The following USO1 variants were observed in gnomAD, a reference collection of about 807,000 sequenced individuals.
The protein encoded by USO1 is USO1 vesicle transport factor, also known as general vesicular transport factor p115.
In USO1, 57 loss-of-function variants were observed where a neutral mutation model predicts 124.5. That is an observed-to-expected ratio of 0.46 (90% CI 0.37 to 0.57). The LOEUF is 0.57. USO1 is among the 20% of genes least tolerant of loss of function. The probability of loss-of-function intolerance (pLI) is 0.00; values close to 1 mark genes in which losing one functional copy is unlikely to be tolerated. For missense variants in USO1, 900 were observed against 1,040.6 expected, an observed-to-expected ratio of 0.86 and a Z score of 1.86; for synonymous variants, 369 against 362.8, an observed-to-expected ratio of 1.02 and a Z score of -0.19.
chr4:75,727,035 A>C (rs1398352919), intron 1 of USO1, among the ~76,000 whole-genome samples: 1 of 152,248 alleles, frequency 6.6e-6, no homozygotes, highest in Non-Finnish European at 1.5e-5. Context: ...TAGTAGATGT[A>C]TAATGAGAGG....
At chr4:75,775,225 A>G (rs941842955) in intron 8 of USO1, among the ~76,000 whole-genome samples, 2 of 152,094 alleles carry the variant, frequency 1.3e-5, no homozygotes, top group Non-Finnish European at 2.9e-5. Context: ...AATTATTGTA[A>G]TTAGGAAGAT....
intron 13 of USO1, among the ~76,000 whole-genome samples, chr4:75,799,038 T>C (rs1322635485): frequency 2.6e-5 from 4 of 152,202 alleles, no homozygotes; most frequent in African/African-American, 4.8e-5. Context: ...TAAATCTTCC[T>C]CTTGATTATG....
chr4:75,739,060 G>A (rs76084512), intron 1 of USO1, among the ~76,000 whole-genome samples: 3 of 151,982 alleles, frequency 2.0e-5, no homozygotes, highest in Admixed American at 6.6e-5. Context: ...CACCAGGTTC[G>A]CCAGGCTGGT....
intron 10 of USO1, among the ~76,000 whole-genome samples, chr4:75,787,666 C>T (rs977317626): frequency 6.6e-6 from 1 of 152,086 alleles, no homozygotes; most frequent in African/African-American, 2.4e-5. Flanking sequence ...CTCAAATTAA[C>T]ACGTGCAATA....
At chr4:75,747,282 A>G (rs1362440364) in intron 1 of USO1, among the ~76,000 whole-genome samples, 1 of 152,088 alleles carries the variant, frequency 6.6e-6, no homozygotes, top group Non-Finnish European at 1.5e-5. Context: ...TTTTAAAATT[A>G]TTATTATATT....
intron 13 of USO1, chr4:75,795,337 G>T (rs1216335309): frequency 1.4e-6 from 1 of 702,354 alleles, no homozygotes; most frequent in Non-Finnish European, 2.6e-6. Flanking sequence ...AATTTGCAGG[G>T]TGATAAGATC....
chr4:75,761,035 T>C (rs897225469), intron 4 of USO1, among the ~76,000 whole-genome samples: 1 of 151,958 alleles, frequency 6.6e-6, no homozygotes, highest in South Asian at 2.1e-4. Flanking sequence ...TAATCCCAGT[T>C]ACTTGGGAGG....
intron 4 of USO1, among the ~76,000 whole-genome samples, chr4:75,769,652 A>C (rs1721865737): frequency 6.6e-6 from 1 of 151,806 alleles, no homozygotes; most frequent in Non-Finnish European, 1.5e-5. Flanking sequence ...AATGGGAAGT[A>C]GTATGTTTGC....
At chr4:75,728,314 A>G (rs1308900441) in intron 1 of USO1, among the ~76,000 whole-genome samples, 1 of 151,998 alleles carries the variant, frequency 6.6e-6, no homozygotes, top group African/African-American at 2.4e-5. Flanking sequence ...CTTAGTTAAG[A>G]GTAACTTTGG....
chr4:75,782,996 T>C, intron 9 of USO1, 138 bp downstream of exon 9: 1 of 1,213,966 alleles, frequency 8.2e-7, no homozygotes. Context: ...ATATGGAAAT[T>C]TGCAGTTATC....
chr4:75,744,304 A>G (rs1721059320), intron 1 of USO1, among the ~76,000 whole-genome samples: 1 of 152,208 alleles, frequency 6.6e-6, no homozygotes, highest in Admixed American at 6.5e-5. Flanking sequence ...AGACTGTATT[A>G]TTCCTTTGAC....
intron 14 of USO1, 84 bp from the exon 15 acceptor site, chr4:75,800,267 T>G (rs984506844): frequency 7.0e-7 from 1 of 1,430,762 alleles, no homozygotes; most frequent in Admixed American, 2.4e-5. Flanking sequence ...GGAACTCTTA[T>G]GTGAAGTATT....
intron 1 of USO1, among the ~76,000 whole-genome samples, chr4:75,738,440 G>A (rs966727245): frequency 6.6e-6 from 1 of 151,680 alleles, no homozygotes; most frequent in Non-Finnish European, 1.5e-5. Flanking sequence ...CTGGATGACA[G>A]AGTGAGACTT....
At chr4:75,811,828 C>G (rs324696) in intron 22 of USO1, among the ~76,000 whole-genome samples, 98,480 of 151,936 alleles carry the variant, frequency 0.65, 34,082 homozygotes, top group East Asian at 0.91. Flanking sequence ...AATCAGACTT[C>G]TTCTGTAAAA....
chr4:75,724,921 G>C, intron 1 of USO1, 36 bp downstream of exon 1: 1 of 1,610,772 alleles, frequency 6.2e-7, no homozygotes, highest in Non-Finnish European at 8.5e-7. Flanking sequence ...TTGGGAAGGG[G>C]TCCGGGCAGG....
intron 8 of USO1, among the ~76,000 whole-genome samples, chr4:75,778,285 T>C (rs1194897004): frequency 6.6e-6 from 1 of 152,210 alleles, no homozygotes; most frequent in Non-Finnish European, 1.5e-5. Flanking sequence ...ATGTATTATA[T>C]ACTCGATTTT....
chr4:75,747,589 T>C (rs2137432), intron 1 of USO1, among the ~76,000 whole-genome samples: 4 of 150,802 alleles, frequency 2.7e-5, no homozygotes, highest in East Asian at 3.9e-4. Context: ...GTTGTTCTTA[T>C]ATTCACCTTT....
intron 12 of USO1, among the ~76,000 whole-genome samples, chr4:75,792,539 A>G (rs1390774991): frequency 6.6e-6 from 1 of 151,852 alleles, no homozygotes; most frequent in Non-Finnish European, 1.5e-5. Flanking sequence ...CTCTATCTCA[A>G]AAAAAATACT....
intron 8 of USO1, among the ~76,000 whole-genome samples, chr4:75,775,365 C>T (rs1003710706): frequency 6.6e-6 from 1 of 152,076 alleles, no homozygotes; most frequent in Non-Finnish European, 1.5e-5. Context: ...ATGGCAAAAC[C>T]TCATCTTTAC....
Sources: allele counts gnomAD v4.1 joint callset (sites outside exome capture counted in the v4.1 genomes callset), GRCh38; gene constraint gnomAD v4.1.1; transcripts MANE v1.5; gene names NCBI Gene and HGNC (gene_info 2026-07-23, HGNC 2026-07-21).